The following LDLRAD3 variants were observed in gnomAD, a reference collection of about 807,000 sequenced individuals.
The protein encoded by LDLRAD3 is low-density lipoprotein receptor class A domain-containing protein 3.
Under a neutral mutation model 29.4 loss-of-function variants are expected in LDLRAD3, and 20 were observed. The ratio of observed to expected loss-of-function variants is 0.68; its 90% CI spans 0.48 to 0.99. The LOEUF is 0.99. Among genes scored for constraint, LDLRAD3 ranks in the 50% least tolerant of loss-of-function variants. The probability of loss-of-function intolerance (pLI) is 0.00; values close to 1 mark genes in which losing one functional copy is unlikely to be tolerated. For missense variants in LDLRAD3, 420 were observed against 454.3 expected, an observed-to-expected ratio of 0.92 and a Z score of 0.69; for synonymous variants, 157 against 192.7, an observed-to-expected ratio of 0.81 and a Z score of 1.53.
At chr11:36,207,424 C>T (rs369075968) in intron 4 of LDLRAD3, among the ~76,000 whole-genome samples, 45 of 152,268 alleles carry the variant, frequency 3.0e-4, no homozygotes, top group East Asian at 1.4e-3. Context: ...ATAAACCCAA[C>T]ACTTTGGGAA....
intron 2 of LDLRAD3, among the ~76,000 whole-genome samples, chr11:36,074,935 C>T (rs530236735): frequency 6.6e-6 from 1 of 152,316 alleles, no homozygotes; most frequent in African/African-American, 2.4e-5. Context: ...GGCCTGACTG[C>T]TGCCCTTTGA....
Position 36,133,207 on chromosome 11 carries a change from C to CTTTTTT in LDLRAD3, c.454+34749_454+34754dup, listed in dbSNP as rs60402803. 2.6e-3 allele frequency among the ~76,000 whole-genome samples: 379 copies of CTTTTTT among 146,452 alleles called. 5 individuals carry two copies. Among genetic ancestry groups the CTTTTTT allele is most frequent in the Non-Finnish European group, 2.8e-3 (190 of 66,674 alleles). On this transcript the variant is annotated intron_variant, in intron 4 of 5. Coordinates refer to ENST00000315571, the MANE Select transcript of LDLRAD3 (RefSeq NM_174902.4). ...AGTCCATTTGTCCATTTTCTTTTTT[C>CTTTTTT]TTTTTTTTAGTTGAGATGGGGCCTT...
In LDLRAD3 at chr11:36,121,289, G is replaced by A. The variant is rs1192736515; in HGVS notation, c.454+22828G>A. 3.3e-5 allele frequency among the ~76,000 whole-genome samples: 5 copies of A among 152,260 alleles called. No individual in the cohort carries two copies. The East Asian group carries it at 5.8e-4, about 18-fold the overall frequency. On this transcript the variant is annotated intron_variant, in intron 4 of 5. Transcript: ENST00000315571. ...TGCCTAAGTGAGAGTGATGACTGGA[G>A]CCAGAAGACACCCGGGGGAGAGGAA...
intron 3 of LDLRAD3, among the ~76,000 whole-genome samples, chr11:36,083,780 A>ACC (rs71044547): frequency 0.023 from 1,698 of 74,788 alleles, 35 homozygotes; most frequent in African/African-American, 0.044. Flanking sequence ...ACACACACAC[A>ACC]CCCCAGAATA....
chr11:36,227,558 A>T (rs1855518517), intron 5 of LDLRAD3, 128 bp downstream of exon 5: 2 of 667,328 alleles, frequency 3.0e-6, no homozygotes, highest in South Asian at 4.8e-5. Context: ...CAGTGGCAGC[A>T]TCTGACATTT....
intron 1 of LDLRAD3, among the ~76,000 whole-genome samples, chr11:35,980,634 T>G (rs1347733776): frequency 1.3e-5 from 2 of 152,198 alleles, no homozygotes; most frequent in African/African-American, 4.8e-5. Context: ...GATAAATCCT[T>G]TTCTACTCAC....
chr11:36,019,139 C>A (rs748746636), intron 1 of LDLRAD3, among the ~76,000 whole-genome samples: 13 of 152,212 alleles, frequency 8.5e-5, no homozygotes, highest in Middle Eastern at 6.8e-3. Flanking sequence ...TCTGTAAATG[C>A]ATTATCATTT....
intron 1 of LDLRAD3, among the ~76,000 whole-genome samples, chr11:36,026,734 C>A (rs867752944): frequency 6.6e-4 from 101 of 152,186 alleles, no homozygotes; most frequent in African/African-American, 2.3e-3. Flanking sequence ...AAGACACTCC[C>A]ACAAGTGCCA....
intron 4 of LDLRAD3, among the ~76,000 whole-genome samples, chr11:36,169,271 C>A (rs970083284): frequency 1.3e-5 from 2 of 152,186 alleles, no homozygotes; most frequent in African/African-American, 4.8e-5. Context: ...CCACCTCAAA[C>A]ATTTATCATT....
chr11:36,083,759 C>T (rs201746720), intron 3 of LDLRAD3, among the ~76,000 whole-genome samples: 2,194 of 151,514 alleles, frequency 0.014, 53 homozygotes, highest in East Asian at 0.1. Flanking sequence ...CACACACACA[C>T]ACACACACAC....
At chr11:36,116,987 G>A (rs924947773) in intron 4 of LDLRAD3, among the ~76,000 whole-genome samples, 48 of 151,956 alleles carry the variant, frequency 3.2e-4, no homozygotes, top group African/African-American at 1.1e-3. Context: ...GACTACAGGC[G>A]CGAGCTGCCA....
intron 1 of LDLRAD3, among the ~76,000 whole-genome samples, chr11:36,023,809 A>G (rs560630142): frequency 6.6e-6 from 1 of 152,296 alleles, no homozygotes; most frequent in South Asian, 2.1e-4. Context: ...TGAGTCCCAT[A>G]TGCCTTTCTC....
intron 1 of LDLRAD3, among the ~76,000 whole-genome samples, chr11:35,980,713 C>G (rs1416940889): frequency 6.6e-6 from 1 of 152,074 alleles, no homozygotes; most frequent in African/African-American, 2.4e-5. Context: ...TTTGAAATAG[C>G]AAAATTATTA....
intron 1 of LDLRAD3, chr11:35,967,918 G>A (rs1851362571): frequency 5.1e-6 from 2 of 391,788 alleles, no homozygotes; most frequent in African/African-American, 2.1e-5. Context: ...CACTGTATGA[G>A]CATAAACTTC....
chr11:36,178,370 A>G (rs982472330), intron 4 of LDLRAD3, among the ~76,000 whole-genome samples: 14 of 152,198 alleles, frequency 9.2e-5, no homozygotes, highest in African/African-American at 3.4e-4. Context: ...CTCTCCTGGA[A>G]CCTGCCACAC....
intron 1 of LDLRAD3, among the ~76,000 whole-genome samples, chr11:36,013,763 A>C (rs1851985987): frequency 7.1e-6 from 1 of 140,178 alleles, no homozygotes; most frequent in Non-Finnish European, 1.6e-5. Flanking sequence ...GGAGTTTGCA[A>C]ACCCCCAGGG....
At chr11:36,146,986 C>T (rs1019756305) in intron 4 of LDLRAD3, among the ~76,000 whole-genome samples, 5 of 151,516 alleles carry the variant, frequency 3.3e-5, no homozygotes, top group Admixed American at 3.3e-4. Context: ...GACAGGGTTT[C>T]ACCGTGTTAG....
intron 4 of LDLRAD3, among the ~76,000 whole-genome samples, chr11:36,204,645 G>A (rs963836002): frequency 6.6e-5 from 10 of 151,894 alleles, no homozygotes; most frequent in Middle Eastern, 3.2e-3. Flanking sequence ...CCACCACCAC[G>A]CCCTGCTAAT....
At chr11:36,195,909 G>T (rs202215785) in intron 4 of LDLRAD3, among the ~76,000 whole-genome samples, 1 of 151,856 alleles carries the variant, frequency 6.6e-6, no homozygotes, top group South Asian at 2.1e-4. Flanking sequence ...GCATCTGCAC[G>T]TAAAGAAAGG....
Sources: gnomAD v4.1 joint callset for allele counts (sites outside exome capture counted in the v4.1 genomes callset) on GRCh38, gnomAD v4.1.1 for gene constraint, MANE v1.5 for transcripts, NCBI Gene and HGNC (gene_info 2026-07-23, HGNC 2026-07-21) for gene names.